The following MYH16 variants were observed in gnomAD, a reference collection of about 807,000 sequenced individuals.
The protein encoded by MYH16 is putative uncharacterized protein MYH16.
intron 3 of MYH16, among the ~76,000 whole-genome samples, chr7:99,247,961 GCCCTACCTCACA>G (rs963980345): frequency 2.0e-5 from 3 of 152,300 alleles, no homozygotes; most frequent in Admixed American, 1.3e-4. Context: ...CTAGGCACCA[GCCCTACCTCACA>G]CCCTATCTCA....
At chr7:99,249,243 G>A (rs1459786773) in intron 4 of MYH16, among the ~76,000 whole-genome samples, 1 of 152,004 alleles carries the variant, frequency 6.6e-6, no homozygotes, top group Non-Finnish European at 1.5e-5. Context: ...GGCAAAATGC[G>A]AACAGAAGTG....
chr7:99,294,576 C>G (rs370618273), intron 33 of MYH16, among the ~76,000 whole-genome samples: 1 of 120,960 alleles, frequency 8.3e-6, no homozygotes, highest in Non-Finnish European at 1.7e-5. Flanking sequence ...TATTTTTTTT[C>G]TTTTTTGAGA....
downstream of MYH16, among the ~76,000 whole-genome samples, chr7:99,307,417 G>A (rs992276034): frequency 2.0e-5 from 3 of 152,144 alleles, no homozygotes; most frequent in African/African-American, 7.2e-5. Context: ...AAATATTGGA[G>A]ATAAATATAT....
At chr7:99,292,134 A>G (rs1031287952) in intron 31 of MYH16, among the ~76,000 whole-genome samples, 178 bp from the exon 13 acceptor site, 5 of 152,284 alleles carry the variant, frequency 3.3e-5, no homozygotes, top group African/African-American at 1.2e-4. Flanking sequence ...GGACAATAAT[A>G]GAAAGAAAAG....
chr7:99,245,754 C>A (rs1791721606), intron 2 of MYH16, among the ~76,000 whole-genome samples: 1 of 152,156 alleles, frequency 6.6e-6, no homozygotes, highest in African/African-American at 2.4e-5. Flanking sequence ...TCTCGAACTC[C>A]TGACCCTGTG....
chr7:99,292,471 G>A (rs1453596670), exon 32 of MYH16: 6 of 469,848 alleles, frequency 1.3e-5, no homozygotes, highest in Admixed American at 2.3e-5. Context: ...GTACGAGACC[G>A]ATGCCATCCA....
chr7:99,296,142 T>A, intron 33 of MYH16, among the ~76,000 whole-genome samples: 2 of 127,896 alleles, frequency 1.6e-5, no homozygotes, highest in African/African-American at 3.1e-5. Context: ...AGACTCCATC[T>A]CAATTTAAAA....
At chr7:99,306,119 CACAGGGAAAGA>C (rs1055450879) in intron 41 of MYH16, 83 bp downstream of exon 22, 10 of 152,442 alleles carry the variant, frequency 6.6e-5, no homozygotes, top group Non-Finnish European at 2.9e-5. Context: ...GGGAATTAAC[CACAGGGAAAGA>C]AGCAAGCACT....
intron 9 of MYH16, chr7:99,257,194 C>A (rs1467955524): frequency 6.6e-6 from 1 of 152,614 alleles, no homozygotes; most frequent in Non-Finnish European, 1.5e-5. Flanking sequence ...GCGTCCATGC[C>A]CTGCCGCAGT....
At chr7:99,291,133 C>T (rs772720889) in intron 30 of MYH16, among the ~76,000 whole-genome samples, 190 bp from the exon 12 acceptor site, 6 of 152,174 alleles carry the variant, frequency 3.9e-5, no homozygotes, top group Admixed American at 1.3e-4. Context: ...AACCCTTGGG[C>T]GCTTGCCTTT....
At chr7:99,245,103 C>T (rs550778221) in intron 2 of MYH16, among the ~76,000 whole-genome samples, 1 of 152,344 alleles carries the variant, frequency 6.6e-6, no homozygotes, top group East Asian at 1.9e-4. Flanking sequence ...TGTCTGCCCC[C>T]ACCCCACGGC....
exon 26 of MYH16, chr7:99,284,907 C>A (rs1310974838): frequency 6.6e-6 from 3 of 456,598 alleles, no homozygotes; most frequent in Non-Finnish European, 1.3e-5. Flanking sequence ...CTGAATTCCA[C>A]GCTGCAGCGG....
At chr7:99,240,309 G>A (rs922743366) in intron 1 of MYH16, among the ~76,000 whole-genome samples, 2 of 152,040 alleles carry the variant, frequency 1.3e-5, no homozygotes, top group Non-Finnish European at 2.9e-5. Flanking sequence ...CCCCTTCTAT[G>A]TCACCATTCC....
chr7:99,278,317 C>G (rs1373369729), intron 21 of MYH16, among the ~76,000 whole-genome samples: 1 of 152,164 alleles, frequency 6.6e-6, no homozygotes, highest in Non-Finnish European at 1.5e-5. Flanking sequence ...AGGGAAAGTC[C>G]AGGGATGGTG....
At chr7:99,306,158 G>A (rs1324954592) in intron 41 of MYH16, 122 bp downstream of exon 22, 1 of 152,342 alleles carries the variant, frequency 6.6e-6, no homozygotes, top group Non-Finnish European at 1.5e-5. Flanking sequence ...AGATGACTCT[G>A]CGAGGCTCAT....
At chr7:99,308,866 AG>A (rs1792718333), downstream of MYH16, among the ~76,000 whole-genome samples, 2 of 152,170 alleles carry the variant, frequency 1.3e-5, no homozygotes, top group Non-Finnish European at 2.9e-5. Flanking sequence ...CCAAGGTGGG[AG>A]GATCACTTGA....
At chr7:99,273,853 GAGGAA>G (rs1792077094) in intron 20 of MYH16, among the ~76,000 whole-genome samples, 1 of 151,096 alleles carries the variant, frequency 6.6e-6, no homozygotes, top group South Asian at 2.1e-4. Context: ...GGAAGACAGA[GAGGAA>G]AGGAAGGGAG....
intron 1 of MYH16, among the ~76,000 whole-genome samples, chr7:99,240,884 C>G (rs1203113715): frequency 1.3e-5 from 2 of 150,886 alleles, no homozygotes; most frequent in African/African-American, 4.9e-5. Flanking sequence ...TCAGAACTGG[C>G]AACAGCTGTA....
chr7:99,245,235 G>A (rs772898221), intron 2 of MYH16, among the ~76,000 whole-genome samples: 9 of 152,190 alleles, frequency 5.9e-5, no homozygotes, highest in Non-Finnish European at 1.3e-4. Flanking sequence ...TTTTCCTGTG[G>A]ATCAGTTTGT....
Sources: gnomAD v4.1 joint callset for allele counts (sites outside exome capture counted in the v4.1 genomes callset) on GRCh38, gnomAD v4.1.1 for gene constraint, MANE v1.5 for transcripts, NCBI Gene and HGNC (gene_info 2026-07-23, HGNC 2026-07-21) for gene names.